The following LMO1 variants were observed in gnomAD, a reference collection of about 807,000 sequenced individuals.
The protein encoded by LMO1 is rhombotin-1.
LMO1 carries 10 observed loss-of-function variants against 18.0 expected under a neutral mutation model. That is an observed-to-expected ratio of 0.55 (90% CI 0.34 to 0.94). The LOEUF (loss-of-function observed/expected upper bound fraction) is 0.94. Among genes scored for constraint, LMO1 ranks in the 40% least tolerant of loss-of-function variants. LMO1 has a pLI of 0.02. For missense variants in LMO1, 183 were observed against 205.7 expected (o/e 0.89, Z 0.68); for synonymous variants, 77 against 77.9 (o/e 0.99, Z 0.06).
upstream of LMO1, chr11:8,268,395 C>G: frequency 4.8e-6 from 7 of 1,466,370 alleles, no homozygotes; most frequent in Non-Finnish European, 6.3e-6. Context: ...CCGCGTGCCC[C>G]CGGGCACCGG....
rs148870201 is a variant in LMO1, at chr11:8,232,534, T to G, written c.26-2030A>C. On this transcript the variant is annotated intron_variant, in intron 1 of 3. Coordinates refer to ENST00000335790, the MANE Select transcript of LMO1 (RefSeq NM_002315.3). Reference sequence around the variant, plus strand: ...GGACCAGGGTAGGGCTCCAAGGGCATGACCTTGTCCTTAGGCCCTGTGCAG... The same window carrying G: ...GGACCAGGGTAGGGCTCCAAGGGCAGGACCTTGTCCTTAGGCCCTGTGCAG... Among the ~76,000 whole-genome samples, 783 of 152,312 alleles carry G rather than the reference T, an allele frequency of 5.1e-3. 5 individuals are homozygous for G. Among genetic ancestry groups the G allele is most frequent in the African/African-American group, 0.018 (755 of 41,570 alleles).
At chr11:8,264,815 T>C (rs534463599), upstream of LMO1, among the ~76,000 whole-genome samples, 2 of 152,240 alleles carry the variant, frequency 1.3e-5, no homozygotes, top group African/African-American at 4.8e-5. Flanking sequence ...TATTTTTTAG[T>C]AGAGACGGGG....
At position 8,230,281 on chromosome 11, in the gene LMO1, G is replaced by T; in HGVS notation, c.239+10C>A. On this transcript the variant is annotated intron_variant, in intron 2 of 3. Transcript: ENST00000335790. ...ACAAGGGCTTGGGAGGCCAGGGTTT[G>T]GCAGCCCACCTCAGGTAGTCGCGTC... The T allele has an allele frequency of 1.2e-6, 2 of 1,612,550 alleles. No individual in the cohort carries two copies. Among genetic ancestry groups the T allele is most frequent in the African/African-American group, 1.3e-5 (1 of 75,040 alleles).
rs1384735300 is a variant in LMO1, at chr11:8,224,313, G to A, written c.*303C>T. The A allele has an allele frequency of 7.9e-5, 31 of 394,824 alleles. No homozygotes were observed. The highest frequency in any genetic ancestry group is 6.1e-4 in the East Asian group (15 of 24,592). The allele number at this position is 394,824 out of a possible 1,614,324, so 24.5% of individuals were successfully genotyped here. Reference sequence around the variant, plus strand: ...TGTGAACAACGCAGAGTAACCTCCCGGAAACATTCATAAGTTTAATCCACG... The same window carrying A: ...TGTGAACAACGCAGAGTAACCTCCCAGAAACATTCATAAGTTTAATCCACG... On this transcript the variant is annotated 3_prime_UTR_variant, in exon 4 of 4. Transcript: ENST00000335790.
rs539905575 is a variant in LMO1, at chr11:8,224,511, G to A, written c.*105C>T. Reference sequence around the variant, plus strand: ...GGACGGAGAAGTTCTAATGTGGCAGGAGAGCGGCTGGCCAGCCTGCACTGG... The same window carrying A: ...GGACGGAGAAGTTCTAATGTGGCAGAAGAGCGGCTGGCCAGCCTGCACTGG... On this transcript the variant is annotated 3_prime_UTR_variant, in exon 4 of 4. Transcript: ENST00000335790. 277 of 682,328 alleles carry A rather than the reference G, an allele frequency of 4.1e-4. No homozygotes were observed. Among genetic ancestry groups the A allele is most frequent in the Non-Finnish European group, 6.4e-4 (245 of 385,078 alleles). 42.3% of individuals were successfully genotyped at this position (682,328 alleles called of 1,614,324 possible).
chr11:8,268,124 G>A (rs1463534241), upstream of LMO1, among the ~76,000 whole-genome samples: 1 of 152,252 alleles, frequency 6.6e-6, no homozygotes, highest in African/African-American at 2.4e-5. Context: ...CCGCAAGGCG[G>A]CAAGAGTCCG....
intron 1 of LMO1, among the ~76,000 whole-genome samples, chr11:8,234,193 G>A (rs566025586): frequency 1.3e-5 from 2 of 152,260 alleles, no homozygotes; most frequent in Admixed American, 1.3e-4. Flanking sequence ...GGCTGCTGGT[G>A]GAAGGAGGCA....
intron 1 of LMO1, among the ~76,000 whole-genome samples, chr11:8,235,286 T>A (rs1278711710): frequency 6.6e-6 from 1 of 152,224 alleles, no homozygotes; most frequent in Non-Finnish European, 1.5e-5. Context: ...TCCCTACATA[T>A]AACATTTTAC....
intron 1 of LMO1, among the ~76,000 whole-genome samples, chr11:8,238,771 G>A (rs954629966): frequency 2.0e-5 from 3 of 151,560 alleles, no homozygotes; most frequent in Admixed American, 6.6e-5. Context: ...TACTGAAAAT[G>A]TCCTATGTCT....
At chr11:8,227,884 C>T (rs1002067304) in intron 2 of LMO1, among the ~76,000 whole-genome samples, 1 of 152,148 alleles carries the variant, frequency 6.6e-6, no homozygotes, top group African/African-American at 2.4e-5. Context: ...GGCCAGGCTG[C>T]TCTCGAACTC....
chr11:8,235,977 A>G (rs1397838796), intron 1 of LMO1, among the ~76,000 whole-genome samples: 1 of 152,212 alleles, frequency 6.6e-6, no homozygotes, highest in Admixed American at 6.5e-5. Context: ...TACTGTGGTT[A>G]AAGTCACCCT....
At chr11:8,244,593 A>G (rs1846863334) in intron 1 of LMO1, among the ~76,000 whole-genome samples, 2 of 152,230 alleles carry the variant, frequency 1.3e-5, no homozygotes, top group African/African-American at 2.4e-5. Context: ...ATTATGTTCT[A>G]CTTCCCTAAG....
chr11:8,247,477 T>C (rs969700021), intron 1 of LMO1, among the ~76,000 whole-genome samples: 3 of 152,222 alleles, frequency 2.0e-5, no homozygotes, highest in Non-Finnish European at 4.4e-5. Flanking sequence ...AGATGAAGCA[T>C]CCTGGCCAGC....
At chr11:8,260,895 G>A (rs1231950632) in intron 1 of LMO1, among the ~76,000 whole-genome samples, 1 of 152,088 alleles carries the variant, frequency 6.6e-6, no homozygotes, top group Non-Finnish European at 1.5e-5. Flanking sequence ...GGGGGGTGGG[G>A]GAATGCTGCC....
At chr11:8,224,782 T>A in intron 3 of LMO1, 61 bp from the exon 4 acceptor site, 1 of 1,086,616 alleles carries the variant, frequency 9.2e-7, no homozygotes, top group Non-Finnish European at 1.4e-6. Context: ...AGGGGGGGGC[T>A]GCAGACAGAA....
intron 1 of LMO1, among the ~76,000 whole-genome samples, chr11:8,232,535 G>A (rs771784618): frequency 7.9e-5 from 12 of 152,204 alleles, no homozygotes; most frequent in Non-Finnish European, 1.5e-4. Flanking sequence ...CCAAGGGCAT[G>A]ACCTTGTCCT....
rs977303403 is a variant in LMO1, at chr11:8,224,514, A to G, written c.*102T>C. ...CGGAGAAGTTCTAATGTGGCAGGAG[A>G]GCGGCTGGCCAGCCTGCACTGGTAG... On this transcript the variant is annotated 3_prime_UTR_variant, in exon 4 of 4. Transcript: ENST00000335790. 12 of 674,940 alleles carry G rather than the reference A, an allele frequency of 1.8e-5. No individual in the cohort carries two copies. The highest frequency in any genetic ancestry group is 2.9e-5 in the Non-Finnish European group (11 of 383,606). The allele number at this position is 674,940 out of a possible 1,614,324, so 41.8% of individuals were successfully genotyped here.
intron 1 of LMO1, among the ~76,000 whole-genome samples, chr11:8,243,290 C>G (rs888817476): frequency 2.0e-5 from 3 of 152,216 alleles, no homozygotes; most frequent in African/African-American, 7.2e-5. Context: ...TTCAGCCCCC[C>G]GCATGGCTGA....
chr11:8,242,535 A>AG (rs1846813173), intron 1 of LMO1, among the ~76,000 whole-genome samples: 1 of 152,122 alleles, frequency 6.6e-6, no homozygotes, highest in Non-Finnish European at 1.5e-5. Context: ...AGCCTTTCTC[A>AG]GTCTGTAGCT....
Sources: gnomAD v4.1 joint callset for allele counts (sites outside exome capture counted in the v4.1 genomes callset) on GRCh38, gnomAD v4.1.1 for gene constraint, MANE v1.5 for transcripts, NCBI Gene and HGNC (gene_info 2026-07-23, HGNC 2026-07-21) for gene names.